PRELID2: variants seen among roughly 807,000 people sequenced by gnomAD.
PRELID2 encodes the protein PRELI domain-containing protein 2.
In PRELID2, 25 loss-of-function variants were observed where a neutral mutation model predicts 28.4. That is an observed-to-expected ratio of 0.88 (90% CI 0.64 to 1.23). The LOEUF is 1.23. Among genes scored for constraint, PRELID2 ranks in the 50% most tolerant of loss-of-function variants. The pLI is 0.00. For missense variants in PRELID2, 201 were observed against 214.4 expected, an observed-to-expected ratio of 0.94 and a Z score of 0.39; for synonymous variants, 76 against 71.6, an observed-to-expected ratio of 1.06 and a Z score of -0.31.
At chr5:145,444,379 G>A in the PRELID2 span, among the ~76,000 whole-genome samples, 1 of 151,860 alleles carries the variant, frequency 6.6e-6, no homozygotes, top group African/African-American at 2.4e-5. Context: ...CATGGCCAAG[G>A]GTATTTCTGC....
chr5:145,699,623 C>T (rs905843466), intron 1 of PRELID2, among the ~76,000 whole-genome samples: 1 of 152,116 alleles, frequency 6.6e-6, no homozygotes, highest in African/African-American at 2.4e-5. Flanking sequence ...GTTTGTGTGA[C>T]ACTGGGGTAT....
chr5:145,687,523 G>C (rs536985376), intron 1 of PRELID2, among the ~76,000 whole-genome samples: 6 of 152,214 alleles, frequency 3.9e-5, no homozygotes, highest in Non-Finnish European at 7.4e-5. Flanking sequence ...ACTGGATCCT[G>C]GATCAGAAAA....
chr5:145,822,781 A>G (rs1040281838), intron 2 of PRELID2, among the ~76,000 whole-genome samples: 10 of 152,188 alleles, frequency 6.6e-5, no homozygotes, highest in African/African-American at 2.4e-4. Flanking sequence ...GTGCTCAAAA[A>G]TGTTAGCAGT....
chr5:145,791,241 G>T (rs1752371818), intron 5 of PRELID2, among the ~76,000 whole-genome samples: 4 of 152,044 alleles, frequency 2.6e-5, no homozygotes, highest in African/African-American at 2.4e-5. Flanking sequence ...GGAGGAAACA[G>T]CCCCCATGAT....
intron 1 of PRELID2, among the ~76,000 whole-genome samples, chr5:145,543,839 A>T (rs1752764578): frequency 6.6e-6 from 1 of 152,134 alleles, no homozygotes; most frequent in African/African-American, 2.4e-5. Context: ...CTTTTCTCCC[A>T]GAAGTCAAAC....
intron 1 of PRELID2, among the ~76,000 whole-genome samples, chr5:145,711,459 C>T (rs571206905): frequency 3.3e-5 from 5 of 152,262 alleles, no homozygotes; most frequent in Non-Finnish European, 5.9e-5. Flanking sequence ...CCATCTGAAC[C>T]ATTTTGAGTT....
chr5:145,295,747 G>C, the PRELID2 span, among the ~76,000 whole-genome samples: 915 of 152,290 alleles, frequency 6.0e-3, 10 homozygotes, highest in African/African-American at 0.02. Context: ...ATTGATGGAA[G>C]AGCCAGCTAT....
chr5:145,610,108 C>T (rs1865010), intron 1 of PRELID2, among the ~76,000 whole-genome samples: 21,356 of 152,114 alleles, frequency 0.14, 2,232 homozygotes, highest in African/African-American at 0.27. Context: ...TAGGGTGCAG[C>T]GGGCCCAAGG....
At chr5:145,788,111 C>T (rs1224845677) in intron 5 of PRELID2, among the ~76,000 whole-genome samples, 1 of 152,128 alleles carries the variant, frequency 6.6e-6, no homozygotes, top group Non-Finnish European at 1.5e-5. Flanking sequence ...TGACTCTGGC[C>T]TGGGTGTCTT....
chr5:145,669,779 T>C (rs1344988203), intron 1 of PRELID2, among the ~76,000 whole-genome samples: 1 of 152,134 alleles, frequency 6.6e-6, no homozygotes, highest in East Asian at 1.9e-4. Flanking sequence ...GATTTTCACA[T>C]GCTAGTCACT....
the PRELID2 span, among the ~76,000 whole-genome samples, chr5:145,361,486 GCTCTGGT>G: frequency 6.6e-6 from 1 of 152,144 alleles, no homozygotes; most frequent in Admixed American, 6.6e-5. Context: ...CAGCAATACA[GCTCTGGT>G]CCCTATTGAG....
At chr5:145,300,136 A>C in the PRELID2 span, among the ~76,000 whole-genome samples, 1 of 152,138 alleles carries the variant, frequency 6.6e-6, no homozygotes, top group African/African-American at 2.4e-5. Flanking sequence ...TCAGTTAAAA[A>C]AAATGCCATC....
At chr5:145,471,343 T>C (rs1752051476), downstream of PRELID2, among the ~76,000 whole-genome samples, 2 of 152,108 alleles carry the variant, frequency 1.3e-5, no homozygotes, top group African/African-American at 2.4e-5. Flanking sequence ...ATAACTGCCT[T>C]CAACTTCTGG....
intron 1 of PRELID2, among the ~76,000 whole-genome samples, chr5:145,478,131 A>G (rs1252643355): frequency 6.6e-6 from 1 of 152,188 alleles, no homozygotes; most frequent in Non-Finnish European, 1.5e-5. Context: ...CCCTTGTTCT[A>G]CTGTCTAGGC....
At chr5:145,289,473 T>C in the PRELID2 span, among the ~76,000 whole-genome samples, 3 of 152,174 alleles carry the variant, frequency 2.0e-5, no homozygotes, top group Non-Finnish European at 4.4e-5. Flanking sequence ...GGTGTATGGG[T>C]ATACCACAGT....
chr5:145,677,163 T>G (rs1226922054), intron 1 of PRELID2, among the ~76,000 whole-genome samples: 1 of 147,928 alleles, frequency 6.8e-6, no homozygotes, highest in Non-Finnish European at 1.5e-5. Flanking sequence ...TTTTTTTTTT[T>G]TTTTTTTTTG....
chr5:145,356,329 C>T, the PRELID2 span, among the ~76,000 whole-genome samples: 1 of 151,866 alleles, frequency 6.6e-6, no homozygotes, highest in Non-Finnish European at 1.5e-5. Flanking sequence ...TTAATCAATA[C>T]TTATTTTAAT....
At chr5:145,466,875 C>G (rs1380507343), downstream of PRELID2, among the ~76,000 whole-genome samples, 1 of 152,102 alleles carries the variant, frequency 6.6e-6, no homozygotes, top group Admixed American at 6.6e-5. Flanking sequence ...TCTACCATTA[C>G]AACCTCACAC....
chr5:145,652,903 T>A (rs1754323973), intron 1 of PRELID2, among the ~76,000 whole-genome samples: 1 of 152,080 alleles, frequency 6.6e-6, no homozygotes, highest in South Asian at 2.1e-4. Flanking sequence ...CATAACGATA[T>A]TAACATTAAA....
Sources: allele counts gnomAD v4.1 joint callset (sites outside exome capture counted in the v4.1 genomes callset), GRCh38; gene constraint gnomAD v4.1.1; transcripts MANE v1.5; gene names NCBI Gene and HGNC (gene_info 2026-07-23, HGNC 2026-07-21).